The following TENM2 variants were observed in gnomAD, a reference collection of about 807,000 sequenced individuals.
The protein encoded by TENM2 is teneurin transmembrane protein 2, also known as teneurin-2.
TENM2 carries 52 observed loss-of-function variants against 245.2 expected under a neutral mutation model. That is an observed-to-expected ratio of 0.21 (90% CI 0.17 to 0.27). TENM2 has a LOEUF of 0.27. TENM2 is among the 10% of genes least tolerant of loss of function. The pLI, the probability that TENM2 is intolerant of heterozygous loss-of-function variation, is 1.00. For missense variants in TENM2, 3,046 were observed against 3,666.8 expected (o/e 0.83, Z 4.37); for synonymous variants, 1,363 against 1,438.9 (o/e 0.95, Z 1.19).
intron 2 of TENM2, among the ~76,000 whole-genome samples, chr5:167,464,355 C>T (rs1483105004): frequency 6.6e-6 from 1 of 152,126 alleles, no homozygotes; most frequent in Non-Finnish European, 1.5e-5. Flanking sequence ...TCTACAACCT[C>T]GTATTACCAT....
rs559608003 is a variant in TENM2 at position 168,042,670 on chromosome 5, C to G, written c.1187-4757C>G. 2.0e-5 allele frequency among the ~76,000 whole-genome samples: 3 copies of G among 152,282 alleles called. No homozygotes were observed. The South Asian group carries it at 6.2e-4, about 32-fold the overall frequency. On this transcript the variant is annotated intron_variant, in intron 5 of 28. Transcript: ENST00000518659. ...TTGCAGTATTGCCTTTGGAACCCAC[C>G]TGGCACAAAAACACAGCAACTTCAA...
At chr5:167,138,675 T>G in the TENM2 span, among the ~76,000 whole-genome samples, 403 of 152,334 alleles carry the variant, frequency 2.6e-3, no homozygotes, top group African/African-American at 9.4e-3. Flanking sequence ...CAGGCCACAG[T>G]GCAGTGGCAT....
chr5:167,986,719 A>G (rs1487065642), intron 4 of TENM2, among the ~76,000 whole-genome samples: 1 of 152,180 alleles, frequency 6.6e-6, no homozygotes, highest in Non-Finnish European at 1.5e-5. Flanking sequence ...AGCTACTTCC[A>G]TGACCGACCG....
chr5:166,986,146 A>C, the TENM2 span, among the ~76,000 whole-genome samples: 2 of 152,196 alleles, frequency 1.3e-5, no homozygotes, highest in Admixed American at 6.6e-5. Context: ...CAGTGTTTGC[A>C]GAATTTTATT....
At chr5:167,696,809 C>A (rs1351988418) in intron 2 of TENM2, among the ~76,000 whole-genome samples, 4 of 152,134 alleles carry the variant, frequency 2.6e-5, no homozygotes, top group Non-Finnish European at 4.4e-5. Context: ...TCCTCTTGCA[C>A]CTCCCTGGAA....
chr5:167,668,048 C>T (rs957465405), intron 2 of TENM2, among the ~76,000 whole-genome samples: 4 of 152,130 alleles, frequency 2.6e-5, no homozygotes, highest in African/African-American at 9.7e-5. Flanking sequence ...CCCTTGATGG[C>T]ACAATTCTCA....
intron 2 of TENM2, among the ~76,000 whole-genome samples, chr5:167,496,005 T>C (rs1020872970): frequency 1.3e-5 from 2 of 151,954 alleles, no homozygotes; most frequent in South Asian, 4.1e-4. Context: ...AAAACCAGAA[T>C]GAAGAAAATT....
chr5:168,125,694 A>C (rs1194526865), intron 11 of TENM2, among the ~76,000 whole-genome samples: 2 of 152,046 alleles, frequency 1.3e-5, no homozygotes, highest in African/African-American at 4.8e-5. Context: ...TCAGGAAGGG[A>C]ATAGACGTGA....
At chr5:167,407,858 G>A (rs144492385) in intron 2 of TENM2, among the ~76,000 whole-genome samples, 6 of 152,214 alleles carry the variant, frequency 3.9e-5, no homozygotes, top group African/African-American at 1.4e-4. Context: ...GCAGAAATTG[G>A]CCTACAGGCC....
intron 6 of TENM2, among the ~76,000 whole-genome samples, chr5:168,047,884 GGCAGCA>G (rs370697921): frequency 0.013 from 1,969 of 151,794 alleles, 37 homozygotes; most frequent in African/African-American, 0.044. Context: ...CAGCTGGAGT[GGCAGCA>G]GCAGCAGCAG....
intron 2 of TENM2, among the ~76,000 whole-genome samples, chr5:167,739,940 T>C (rs1761059193): frequency 6.6e-6 from 1 of 152,202 alleles, no homozygotes; most frequent in Non-Finnish European, 1.5e-5. Flanking sequence ...CCTTGTTATC[T>C]CCTGGAAATA....
chr5:167,163,357 C>T, the TENM2 span, among the ~76,000 whole-genome samples: 3 of 152,190 alleles, frequency 2.0e-5, no homozygotes, highest in Non-Finnish European at 4.4e-5. Context: ...TCCCAAAATG[C>T]TGGGATTACA....
the TENM2 span, among the ~76,000 whole-genome samples, chr5:167,082,395 T>C: frequency 1.2e-4 from 19 of 152,252 alleles, no homozygotes; most frequent in African/African-American, 4.3e-4. Flanking sequence ...GCAATTCTCC[T>C]GCCTCGGCCT....
chr5:167,450,150 C>A (rs1765488261), intron 2 of TENM2, among the ~76,000 whole-genome samples: 1 of 152,002 alleles, frequency 6.6e-6, no homozygotes, highest in African/African-American at 2.4e-5. Context: ...TATCTCTCTT[C>A]TTTTTTCTCT....
chr5:168,072,734 C>G (rs1791126233), intron 7 of TENM2, among the ~76,000 whole-genome samples: 1 of 152,166 alleles, frequency 6.6e-6, no homozygotes, highest in South Asian at 2.1e-4. Context: ...CCTCATCAGG[C>G]TGTTGTAAGA....
exon 21 of TENM2, chr5:168,215,226 C>T (rs754680231): frequency 5.3e-5 from 86 of 1,613,642 alleles, no homozygotes; most frequent in Admixed American, 1.0e-4. Context: ...AAGCCCGCTG[C>T]GGGGATGGAG....
Position 168,190,556 on chromosome 5 carries a change from C to T in TENM2, c.2780+9C>T. 1 of 1,610,648 alleles carries T rather than the reference C, an allele frequency of 6.2e-7. No homozygotes were observed. The highest frequency in any genetic ancestry group is 8.5e-7 in the Non-Finnish European group (1 of 1,177,468). On this transcript the variant is annotated intron_variant, in intron 14 of 28. Transcript: ENST00000518659. ...AACCCTTTCAACAGCAGGTAGGCAC[C>T]CTCTGTCCCTGCAAACTCCTGAAGT...
At chr5:167,286,766 T>C (rs1197334209) in intron 1 of TENM2, among the ~76,000 whole-genome samples, 1 of 152,224 alleles carries the variant, frequency 6.6e-6, no homozygotes, top group East Asian at 1.9e-4. Context: ...TGCACTGACA[T>C]GTAGATTCCA....
At position 167,952,825 on chromosome 5, in the gene TENM2, A is replaced by G. The variant is rs1421045259; in HGVS notation, c.947+3A>G. ...AGCAACGTGCCACTGGAGACCCGGT[A>G]AGTCCCCATCGCCAGCTCACAGTCA... On this transcript the variant is annotated splice_donor_region_variant and intron_variant, in intron 4 of 28. Transcript: ENST00000518659. 1.9e-6 allele frequency: 3 copies of G among 1,552,710 alleles called. No individual in the cohort carries two copies. Among genetic ancestry groups the G allele is most frequent in the Non-Finnish European group, 1.7e-6 (2 of 1,147,580 alleles).
Sources: gnomAD v4.1 joint callset for allele counts (sites outside exome capture counted in the v4.1 genomes callset) on GRCh38, gnomAD v4.1.1 for gene constraint, MANE v1.5 for transcripts, NCBI Gene and HGNC (gene_info 2026-07-23, HGNC 2026-07-21) for gene names.